E2F3: variants seen among roughly 807,000 people sequenced by gnomAD.
E2F3 encodes the protein E2F transcription factor 3, also known as transcription factor E2F3.
In E2F3, 11 loss-of-function variants were observed where a neutral mutation model predicts 44.4. The ratio of observed to expected loss-of-function variants is 0.25; its 90% CI spans 0.16 to 0.41. The LOEUF (loss-of-function observed/expected upper bound fraction) is 0.41. E2F3 is among the 10% of genes least tolerant of loss of function. The probability of loss-of-function intolerance (pLI) is 1.00; values close to 1 mark genes in which losing one functional copy is unlikely to be tolerated. For synonymous variants in E2F3, 249 were observed against 253.0 expected (o/e 0.98, Z 0.15); for missense variants, 487 against 583.6 (o/e 0.83, Z 1.70).
chr6:20,483,365 C>A (rs376132472), intron 4 of E2F3, among the ~76,000 whole-genome samples: 3 of 152,246 alleles, frequency 2.0e-5, no homozygotes, highest in African/African-American at 7.2e-5. Flanking sequence ...ATTCTATTTT[C>A]TTCTCACCAG....
intron 1 of E2F3, among the ~76,000 whole-genome samples, chr6:20,454,453 A>G (rs746505308): frequency 6.6e-6 from 1 of 152,188 alleles, no homozygotes; most frequent in Non-Finnish European, 1.5e-5. Context: ...GGAAGTGATA[A>G]TATCTGTTCT....
chr6:20,402,661 C>T lies in E2F3; in HGVS notation c.393+36C>T. 1 of 1,308,536 alleles carries T rather than the reference C, an allele frequency of 7.6e-7. No individual in the cohort carries two copies. The highest frequency in any genetic ancestry group is 9.7e-7 in the Non-Finnish European group (1 of 1,034,064). 81.1% of individuals were successfully genotyped at this position (1,308,536 alleles called of 1,614,324 possible). A position where few individuals can be genotyped will look rare whatever the true frequency, so the allele number is the denominator to read the frequency against. On this transcript the variant is annotated intron_variant, in intron 1 of 6. Coordinates refer to ENST00000346618, the MANE Select transcript of E2F3 (RefSeq NM_001949.5). The surrounding 1 kb of genome is among the most constrained non-coding windows in gnomAD (Gnocchi z 5.6). ...CCCTCCCCACCGTCCCCAGCCCCGG[C>T]GGGAGGTGGGCTCGCACCGCGCGGG...
intron 1 of E2F3, among the ~76,000 whole-genome samples, chr6:20,441,053 G>A (rs548103055): frequency 6.6e-6 from 1 of 152,294 alleles, no homozygotes; most frequent in South Asian, 2.1e-4. Context: ...ATTTTTAGGT[G>A]TATGATTCAG....
intron 1 of E2F3, among the ~76,000 whole-genome samples, chr6:20,453,978 G>T (rs1275438792): frequency 6.6e-6 from 1 of 152,224 alleles, no homozygotes; most frequent in Non-Finnish European, 1.5e-5. Flanking sequence ...CAACCCACCT[G>T]CTTGTTTCTC....
chr6:20,405,095 A>C (rs1759449422), intron 1 of E2F3, among the ~76,000 whole-genome samples: 1 of 152,208 alleles, frequency 6.6e-6, no homozygotes, highest in Non-Finnish European at 1.5e-5. Context: ...CTTTCAAGCC[A>C]GGTTTATTAT....
chr6:20,445,111 A>G, intron 1 of E2F3: 1 of 985,466 alleles, frequency 1.0e-6, no homozygotes, highest in Non-Finnish European at 1.2e-6. Flanking sequence ...AGAGCGGGTC[A>G]TGGTGAGTTG....
At chr6:20,484,952 CAAAAAAA>C (rs575881477) in intron 4 of E2F3, among the ~76,000 whole-genome samples, 18 of 62,422 alleles carry the variant, frequency 2.9e-4, no homozygotes, top group African/African-American at 7.8e-4. Flanking sequence ...GAGTCCGTCT[CAAAAAAA>C]AAAAAAAAAA....
At chr6:20,412,402 C>T (rs1759703551) in intron 1 of E2F3, among the ~76,000 whole-genome samples, 1 of 151,838 alleles carries the variant, frequency 6.6e-6, no homozygotes, top group Non-Finnish European at 1.5e-5. Context: ...TCAGTTGGAA[C>T]CACTGGGCTT....
intron 1 of E2F3, among the ~76,000 whole-genome samples, chr6:20,470,187 C>T (rs1338357169): frequency 6.6e-6 from 1 of 152,242 alleles, no homozygotes; most frequent in African/African-American, 2.4e-5. Context: ...CTCCAGACCT[C>T]TACCCACTTC....
At chr6:20,437,852 C>T (rs1760643727) in intron 1 of E2F3, 1 of 152,220 alleles carries the variant, frequency 6.6e-6, no homozygotes, top group African/African-American at 2.4e-5. Context: ...TGCCCAGGGT[C>T]TGGCAGAACT....
intron 1 of E2F3, among the ~76,000 whole-genome samples, chr6:20,432,805 G>A (rs1339645630): frequency 6.6e-6 from 1 of 152,282 alleles, no homozygotes; most frequent in East Asian, 1.9e-4. Flanking sequence ...TGGCCAGGGT[G>A]TGTTAAATGT....
chr6:20,483,085 AC>A (rs1378749450), intron 4 of E2F3, among the ~76,000 whole-genome samples, 165 bp downstream of exon 4: 2 of 151,902 alleles, frequency 1.3e-5, no homozygotes. Context: ...GTGTGTGTAA[AC>A]CCAGTTAGCT....
intron 1 of E2F3, among the ~76,000 whole-genome samples, chr6:20,443,150 G>A (rs1252992633): frequency 6.6e-6 from 1 of 152,204 alleles, no homozygotes; most frequent in Non-Finnish European, 1.5e-5. Context: ...GCAGGGACAA[G>A]AGGGATGCAG....
intron 1 of E2F3, among the ~76,000 whole-genome samples, chr6:20,437,079 T>C (rs1389080234): frequency 6.6e-6 from 1 of 152,192 alleles, no homozygotes; most frequent in Non-Finnish European, 1.5e-5. Context: ...CAGTAAGCTG[T>C]GATTGTGCTG....
chr6:20,426,434 G>A (rs1402564333), intron 1 of E2F3, among the ~76,000 whole-genome samples: 1 of 152,190 alleles, frequency 6.6e-6, no homozygotes, highest in African/African-American at 2.4e-5. Flanking sequence ...TTAATTTTGT[G>A]AAAGCATAGG....
chr6:20,403,051 AACCGGGGG>A (rs1759362954), intron 1 of E2F3, among the ~76,000 whole-genome samples: 1 of 151,628 alleles, frequency 6.6e-6, no homozygotes, highest in Non-Finnish European at 1.5e-5. Flanking sequence ...GAGGGGTTGA[AACCGGGGG>A]ACTGTTGGGG....
intron 1 of E2F3, among the ~76,000 whole-genome samples, chr6:20,438,345 C>T (rs1313717434): frequency 1.3e-5 from 2 of 152,150 alleles, no homozygotes; most frequent in African/African-American, 4.8e-5. Context: ...CTTACACATT[C>T]TCTTTCTCTA....
At chr6:20,452,152 A>G (rs887248657) in intron 1 of E2F3, among the ~76,000 whole-genome samples, 3 of 152,098 alleles carry the variant, frequency 2.0e-5, no homozygotes, top group African/African-American at 7.2e-5. Context: ...CGTCTGGTAG[A>G]ATTTGGATTT....
chr6:20,481,528 T>A lies in E2F3; in HGVS notation c.725+103T>A, dbSNP rs1000018432. The A allele has an allele frequency of 4.0e-6, 4 of 1,002,362 alleles. No homozygotes were observed. The African/African-American group carries it at 6.5e-5, about 16-fold the overall frequency. 62.1% of individuals were successfully genotyped at this position (1,002,362 alleles called of 1,614,324 possible). ...ACATCCACGCCCACACGTTCTTTTC[T>A]TTTCTCTCCTACTGTTTTCTTCTCT... On this transcript the variant is annotated intron_variant, in intron 3 of 6. Transcript: ENST00000346618.
Sources: allele counts gnomAD v4.1 joint callset (sites outside exome capture counted in the v4.1 genomes callset), GRCh38; gene constraint gnomAD v4.1.1; non-coding constraint Gnocchi (gnomAD v3.1); transcripts MANE v1.5; gene names NCBI Gene and HGNC (gene_info 2026-07-23, HGNC 2026-07-21).